Variants in LNX1 observed in about 807,000 individuals in gnomAD.
LNX1 encodes E3 ubiquitin-protein ligase LNX.
In LNX1, 54 loss-of-function variants were observed where a neutral mutation model predicts 68.4. That is an observed-to-expected ratio of 0.79 (90% CI 0.63 to 0.99). The LOEUF (loss-of-function observed/expected upper bound fraction) is 0.99. LNX1 is among the 50% of genes least tolerant of loss of function. LNX1 has a pLI of 0.00. For missense variants in LNX1, 906 were observed against 926.4 expected (o/e 0.98, Z 0.29); for synonymous variants, 336 against 350.0 (o/e 0.96, Z 0.45).
chr4:53,595,636 T>G (rs1732714717), upstream of LNX1, among the ~76,000 whole-genome samples: 1 of 152,196 alleles, frequency 6.6e-6, no homozygotes, highest in African/African-American at 2.4e-5. Flanking sequence ...GAACTCAAAG[T>G]TGGGCCTGTC....
At chr4:53,527,714 C>T (rs563131054) in intron 2 of LNX1, among the ~76,000 whole-genome samples, 6 of 152,354 alleles carry the variant, frequency 3.9e-5, no homozygotes, top group South Asian at 2.1e-4. Flanking sequence ...CATACTCACA[C>T]ATCCAAATTA....
intron 1 of LNX1, among the ~76,000 whole-genome samples, chr4:53,586,379 T>G (rs1732173797): frequency 6.6e-6 from 1 of 152,170 alleles, no homozygotes; most frequent in South Asian, 2.1e-4. Context: ...TATTTAGACC[T>G]CCCCATCATG....
intron 1 of LNX1, chr4:53,575,828 T>C: frequency 6.3e-7 from 1 of 1,588,542 alleles, no homozygotes; most frequent in Non-Finnish European, 8.6e-7. Context: ...ATGGACCAGC[T>C]ACTAGGGGAC....
intron 1 of LNX1, among the ~76,000 whole-genome samples, chr4:53,580,205 C>T (rs1419799412): frequency 1.3e-5 from 2 of 152,200 alleles, no homozygotes; most frequent in Non-Finnish European, 2.9e-5. Flanking sequence ...TCCTATACCT[C>T]ACCTGCCCTT....
At chr4:53,643,788 T>C (rs1374050656) in intron 1 of LNX1, among the ~76,000 whole-genome samples, 1 of 152,152 alleles carries the variant, frequency 6.6e-6, no homozygotes, top group Non-Finnish European at 1.5e-5. Context: ...GAAATAACAA[T>C]AGGACTTTTC....
intron 1 of LNX1, among the ~76,000 whole-genome samples, chr4:53,588,890 A>G (rs1732335055): frequency 6.6e-6 from 1 of 152,190 alleles, no homozygotes; most frequent in African/African-American, 2.4e-5. Context: ...CTCATATGCA[A>G]TGACTCAAGG....
intron 2 of LNX1, among the ~76,000 whole-genome samples, chr4:53,528,489 AC>A (rs1366893052): frequency 9.2e-5 from 14 of 152,242 alleles, no homozygotes; most frequent in Non-Finnish European, 1.8e-4. Flanking sequence ...GAGATAGACC[AC>A]GTATGCACAA....
chr4:53,631,020 C>G (rs151329306), intron 1 of LNX1, among the ~76,000 whole-genome samples: 359 of 152,316 alleles, frequency 2.4e-3, no homozygotes, highest in African/African-American at 8.0e-3. Context: ...GGGAAATGAG[C>G]CAGAACCTTG....
chr4:53,621,433 T>C (rs547343424), upstream of LNX1, among the ~76,000 whole-genome samples: 7 of 152,298 alleles, frequency 4.6e-5, no homozygotes, highest in African/African-American at 1.4e-4. Flanking sequence ...CTCTGTAATT[T>C]GCAGGATTCA....
chr4:53,511,449 G>T (rs1361509879), intron 2 of LNX1, among the ~76,000 whole-genome samples: 3 of 152,142 alleles, frequency 2.0e-5, no homozygotes, highest in African/African-American at 7.2e-5. Flanking sequence ...AGTACTCTCA[G>T]ATGGTGATGG....
chr4:53,484,883 T>C (rs1321251150), intron 6 of LNX1, among the ~76,000 whole-genome samples: 2 of 152,200 alleles, frequency 1.3e-5, no homozygotes, highest in African/African-American at 2.4e-5. Flanking sequence ...CCTCTGCCCA[T>C]GTCCTTCACA....
chr4:53,506,058 A>AT (rs557691959), intron 4 of LNX1, among the ~76,000 whole-genome samples: 3 of 152,360 alleles, frequency 2.0e-5, no homozygotes, highest in African/African-American at 7.2e-5. Flanking sequence ...TTTTGAGGGC[A>AT]TAATACATAC....
chr4:53,576,789 C>T (rs1731517735), intron 1 of LNX1, among the ~76,000 whole-genome samples: 1 of 152,136 alleles, frequency 6.6e-6, no homozygotes, highest in Non-Finnish European at 1.5e-5. Context: ...GGAAACAGCC[C>T]AGCAGTCATA....
At chr4:53,647,046 C>T (rs544083129) in intron 1 of LNX1, among the ~76,000 whole-genome samples, 31 of 152,290 alleles carry the variant, frequency 2.0e-4, no homozygotes, top group East Asian at 9.6e-4. Flanking sequence ...TCTCCATGCT[C>T]CATTTTTTCT....
intron 2 of LNX1, among the ~76,000 whole-genome samples, chr4:53,521,219 A>G (rs1727193397): frequency 6.6e-6 from 1 of 152,122 alleles, no homozygotes; most frequent in South Asian, 2.1e-4. Context: ...GCTGCCTGTG[A>G]TGAGCTCTTT....
In LNX1 at chr4:53,460,812, T is replaced by C; in HGVS notation, c.*95A>G. 1 of 1,229,680 alleles carries C rather than the reference T, an allele frequency of 8.1e-7. No homozygotes were observed. The highest frequency in any genetic ancestry group is 1.1e-6 in the Non-Finnish European group (1 of 873,518). 76.2% of individuals were successfully genotyped at this position (1,229,680 alleles called of 1,614,324 possible). The stretch of plus-strand genomic sequence containing the variant: ...TTCCTGACATTTTTACAATGTATTC[T>C]TTCTTTAAATATAAAAACTGACAAG... On this transcript the variant is annotated 3_prime_UTR_variant, in exon 11 of 11. Transcript: ENST00000263925.
upstream of LNX1, among the ~76,000 whole-genome samples, chr4:53,595,173 C>A (rs1267974311): frequency 6.6e-6 from 1 of 152,146 alleles, no homozygotes; most frequent in Non-Finnish European, 1.5e-5. Flanking sequence ...CAGATCATTC[C>A]AGACAGGGCA....
rs1358961053 is a variant in LNX1, at chr4:53,460,059, T to TA, written c.*847dup. The TA allele has an allele frequency of 1.4e-4, 1 of 7,126 alleles. No homozygotes were observed. The highest frequency in any genetic ancestry group is 3.9e-4 in the African/African-American group (1 of 2,560). 0.4% of individuals were successfully genotyped at this position (7,126 alleles called of 1,614,324 possible). On this transcript the variant is annotated 3_prime_UTR_variant, in exon 11 of 11. Coordinates refer to ENST00000263925, the MANE Select transcript of LNX1 (RefSeq NM_001126328.3). ...TCTGGGTGGCCTCTATGAAATAAAT[T>TA]AATTAATTACCCATAGTGTAGTTTC...
At chr4:53,501,102 C>T (rs62323598) in intron 4 of LNX1, among the ~76,000 whole-genome samples, 18,202 of 151,992 alleles carry the variant, frequency 0.12, 1,180 homozygotes, top group East Asian at 0.16. Context: ...TTTTAAACTG[C>T]CAAACTTGTG....
Sources: gnomAD v4.1 joint callset for allele counts (sites outside exome capture counted in the v4.1 genomes callset) on GRCh38, gnomAD v4.1.1 for gene constraint, MANE v1.5 for transcripts, NCBI Gene and HGNC (gene_info 2026-07-23, HGNC 2026-07-21) for gene names.